Variants in INO80C observed in about 807,000 individuals in gnomAD.
INO80C encodes IES6 homolog.
In INO80C, 17 loss-of-function variants were observed where a neutral mutation model predicts 17.7. The ratio of observed to expected loss-of-function variants is 0.96; its 90% confidence interval spans 0.66 to 1.44. INO80C has a LOEUF of 1.44. INO80C is among the 40% of genes most tolerant of loss of function. The probability of loss-of-function intolerance (pLI) is 0.00; values close to 1 mark genes in which losing one functional copy is unlikely to be tolerated. For missense variants in INO80C, 244 were observed against 245.0 expected (o/e 1.00, Z 0.03); for synonymous variants, 96 against 95.8 (o/e 1.00, Z -0.01).
intron 1 of INO80C, among the ~76,000 whole-genome samples, chr18:35,496,276 T>C (rs965699380): frequency 9.2e-5 from 14 of 152,240 alleles, no homozygotes; most frequent in African/African-American, 3.4e-4. Flanking sequence ...TGTATGTTTA[T>C]ACAATGCAAC....
At chr18:35,496,435 G>T (rs2045982035) in intron 1 of INO80C, among the ~76,000 whole-genome samples, 1 of 152,216 alleles carries the variant, frequency 6.6e-6, no homozygotes, top group African/African-American at 2.4e-5. Flanking sequence ...TGAACAGTGG[G>T]TAACTGTTAG....
chr18:35,496,338 G>T (rs2045981008), intron 1 of INO80C, among the ~76,000 whole-genome samples: 1 of 152,212 alleles, frequency 6.6e-6, no homozygotes, highest in African/African-American at 2.4e-5. Flanking sequence ...AACCTAGACA[G>T]ATGCAAAAGA....
intron 4 of INO80C, among the ~76,000 whole-genome samples, chr18:35,470,404 T>C (rs1460216584): frequency 2.6e-5 from 4 of 152,204 alleles, no homozygotes; most frequent in African/African-American, 9.7e-5. Flanking sequence ...CTGTACTACA[T>C]TTCCTTTAAT....
At chr18:35,490,843 C>A (rs2045926744) in intron 1 of INO80C, among the ~76,000 whole-genome samples, 1 of 152,160 alleles carries the variant, frequency 6.6e-6, no homozygotes, top group South Asian at 2.1e-4. Context: ...GCAGCCTCAA[C>A]CTCCTGGGCT....
chr18:35,479,865 G>C (rs1026099773), intron 2 of INO80C, among the ~76,000 whole-genome samples: 56 of 150,890 alleles, frequency 3.7e-4, no homozygotes, highest in Middle Eastern at 3.5e-3. Context: ...GTTGCAGTAT[G>C]GGTACTCTTC....
intron 1 of INO80C, among the ~76,000 whole-genome samples, chr18:35,485,700 T>C (rs1282659699): frequency 1.3e-5 from 2 of 152,200 alleles, no homozygotes; most frequent in Non-Finnish European, 2.9e-5. Context: ...ATTTAACTTC[T>C]AGGTATACAC....
rs761086111 is a variant in INO80C, at chr18:35,497,699, C to T, written c.156+20G>A. ...CCGTTTCGCGACGCGCACGCGCAGC[C>T]TGGGAGCGCGACTGCGTACCTGCGC... On this transcript the variant is annotated intron_variant, in intron 1 of 4. Coordinates refer to ENST00000334598, the MANE Select transcript of INO80C (RefSeq NM_194281.4). The T allele has an allele frequency of 6.2e-7, 1 of 1,607,860 alleles. No individual in the cohort carries two copies. The highest frequency in any genetic ancestry group is 1.7e-5 in the Admixed American group (1 of 59,524).
At chr18:35,480,642 A>T in intron 1 of INO80C, 79 bp from the exon 2 acceptor site, 1 of 1,061,778 alleles carries the variant, frequency 9.4e-7, no homozygotes, top group East Asian at 2.4e-5. Context: ...AACAGGGCAT[A>T]CGATGATGCC....
chr18:35,469,506 T>G (rs2045644118), intron 4 of INO80C, among the ~76,000 whole-genome samples: 1 of 152,154 alleles, frequency 6.6e-6, no homozygotes, highest in South Asian at 2.1e-4. Flanking sequence ...CCATCTGTCC[T>G]TTCCTTGGCA....
At chr18:35,497,635 T>C in intron 1 of INO80C, 84 bp downstream of exon 1, 1 of 1,511,676 alleles carries the variant, frequency 6.6e-7, no homozygotes, top group Non-Finnish European at 8.8e-7. Flanking sequence ...GCGCCCCACA[T>C]TACGCACGCG....
chr18:35,479,153 A>T (rs539656770), intron 3 of INO80C, 147 bp downstream of exon 3: 2 of 596,248 alleles, frequency 3.4e-6, no homozygotes, highest in Admixed American at 6.2e-5. Context: ...ATACACACAT[A>T]ATCTGCCCAG....
At chr18:35,492,517 G>A (rs369759621) in intron 1 of INO80C, among the ~76,000 whole-genome samples, 1 of 149,956 alleles carries the variant, frequency 6.7e-6, no homozygotes, top group African/African-American at 2.5e-5. Context: ...AGGAGATTGG[G>A]TGACTTTTTA....
At chr18:35,479,497 G>C in intron 2 of INO80C, 86 bp from the exon 3 acceptor site, 1 of 770,520 alleles carries the variant, frequency 1.3e-6, no homozygotes, top group South Asian at 1.5e-5. Context: ...AATCATAACT[G>C]TAATATACCT....
intron 4 of INO80C, among the ~76,000 whole-genome samples, chr18:35,475,152 T>C (rs921100156): frequency 2.0e-5 from 3 of 151,916 alleles, no homozygotes; most frequent in African/African-American, 7.3e-5. Flanking sequence ...ATATTCAAAC[T>C]GCTGAAAACA....
Position 35,468,723 on chromosome 18 carries a change from T to TG in INO80C, c.466dup (p.Gln156ProfsTer10). On this transcript the variant is annotated frameshift_variant, in exon 5 of 5. Coordinates refer to ENST00000334598, the MANE Select transcript of INO80C (RefSeq NM_194281.4). LOFTEE classifies it high-confidence loss of function. The stretch of plus-strand genomic sequence containing the variant: ...AATGGTGCTGAACCGCAGTTTGCTC[T>TG]GGGGGTCTGTGTAGTTGGCCTGGGT... The TG allele has an allele frequency of 2.5e-6, 4 of 1,614,116 alleles. No individual in the cohort carries two copies. The highest frequency in any genetic ancestry group is 3.4e-6 in the Non-Finnish European group (4 of 1,179,980).
intron 4 of INO80C, among the ~76,000 whole-genome samples, chr18:35,473,596 A>C (rs1012124771): frequency 1.3e-5 from 2 of 152,172 alleles, no homozygotes; most frequent in Non-Finnish European, 2.9e-5. Context: ...CTTACTGGAG[A>C]GTGGTTAAGA....
intron 4 of INO80C, among the ~76,000 whole-genome samples, chr18:35,474,207 C>CTATATCTA (rs2045704780): frequency 1.7e-5 from 1 of 58,020 alleles, no homozygotes; most frequent in Non-Finnish European, 3.3e-5. Flanking sequence ...GTGTGTGTGT[C>CTATATCTA]TATATATATA....
chr18:35,491,104 C>A (rs1053141175), intron 1 of INO80C, among the ~76,000 whole-genome samples: 8 of 152,152 alleles, frequency 5.3e-5, no homozygotes, highest in African/African-American at 1.7e-4. Context: ...CTTCCCCAAT[C>A]CCAGTGAGGA....
chr18:35,473,422 A>C (rs1032343187), intron 4 of INO80C, among the ~76,000 whole-genome samples: 1 of 152,210 alleles, frequency 6.6e-6, no homozygotes, highest in African/African-American at 2.4e-5. Context: ...GGTGGAGCTC[A>C]CGCAGAGCTC....
Sources: gnomAD v4.1 joint callset for allele counts (sites outside exome capture counted in the v4.1 genomes callset) on GRCh38, gnomAD v4.1.1 for gene constraint, MANE v1.5 for transcripts, NCBI Gene and HGNC (gene_info 2026-07-23, HGNC 2026-07-21) for gene names.